The following RHOBTB3 variants were observed in gnomAD, a reference collection of about 807,000 sequenced individuals.
RHOBTB3 encodes Rho related BTB domain containing 3.
A neutral mutation model predicts 67.2 loss-of-function variants in RHOBTB3; 47 were observed. The ratio of observed to expected loss-of-function variants is 0.70; its 90% CI spans 0.55 to 0.89. The LOEUF (loss-of-function observed/expected upper bound fraction) is 0.89. Among genes scored for constraint, RHOBTB3 ranks in the 40% least tolerant of loss-of-function variants. The pLI is 0.00. For missense variants in RHOBTB3, 631 were observed against 750.0 expected (o/e 0.84, Z 1.85); for synonymous variants, 273 against 274.2 (o/e 1.00, Z 0.04).
intron 8 of RHOBTB3, chr5:95,769,904 G>A: frequency 2.8e-6 from 1 of 352,616 alleles, no homozygotes; most frequent in South Asian, 2.5e-5. Context: ...TTTTGAATAG[G>A]CTAAAAGCTG....
chr5:95,732,321 T>A (rs1755308799), intron 2 of RHOBTB3: 1 of 604,500 alleles, frequency 1.7e-6, no homozygotes, highest in South Asian at 2.0e-5. Context: ...CACTTACTGG[T>A]ACACTTCACG....
At chr5:95,779,177 T>A (rs1745978295) in intron 8 of RHOBTB3, among the ~76,000 whole-genome samples, 1 of 152,202 alleles carries the variant, frequency 6.6e-6, no homozygotes, top group Non-Finnish European at 1.5e-5. Flanking sequence ...GATGTGTGGG[T>A]AAACTCTTGG....
At chr5:95,787,777 A>G (rs1746265625) in intron 10 of RHOBTB3, among the ~76,000 whole-genome samples, 1 of 152,270 alleles carries the variant, frequency 6.6e-6, no homozygotes, top group African/African-American at 2.4e-5. Flanking sequence ...AATTTCACTT[A>G]TATGAGGTAC....
intron 1 of RHOBTB3, among the ~76,000 whole-genome samples, chr5:95,724,880 A>G (rs549207117): frequency 7.2e-5 from 11 of 152,282 alleles, no homozygotes; most frequent in Non-Finnish European, 1.0e-4. Flanking sequence ...CATGGTAAGT[A>G]TACTTAAGTA....
chr5:95,731,907 G>C lies in RHOBTB3; in HGVS notation c.51G>C (p.Gln17His). ...ALGNEGDTFH[Q>H]DNRPSGLIRT... ...GGAACGAGGGGGACACATTCCACCAGGACAACCGGCCGTCGGGGCTTATCC... is the reference window on the plus strand; with the variant it reads ...GGAACGAGGGGGACACATTCCACCACGACAACCGGCCGTCGGGGCTTATCC... Residue 17 changes from glutamine to histidine, a missense_variant, in exon 2 of 12, where the codon CAG becomes CAC. Coordinates refer to ENST00000379982, the MANE Select transcript of RHOBTB3 (RefSeq NM_014899.4). 1 of 1,614,088 alleles carries C rather than the reference G, an allele frequency of 6.2e-7. No individual in the cohort carries two copies. Among genetic ancestry groups the C allele is most frequent in the Non-Finnish European group, 8.5e-7 (1 of 1,180,012 alleles).
chr5:95,749,241 C>T (rs1165922815), intron 4 of RHOBTB3, among the ~76,000 whole-genome samples: 1 of 152,208 alleles, frequency 6.6e-6, no homozygotes, highest in African/African-American at 2.4e-5. Context: ...GCAAAGAAAA[C>T]CTACTTTAAG....
intron 4 of RHOBTB3, among the ~76,000 whole-genome samples, 174 bp from the exon 5 acceptor site, chr5:95,752,065 G>A (rs184983829): frequency 6.6e-6 from 1 of 152,258 alleles, no homozygotes; most frequent in East Asian, 1.9e-4. Flanking sequence ...GGCACAATCT[G>A]CTCCACTCGA....
At chr5:95,788,943 T>A (rs1487293922) in intron 11 of RHOBTB3, 85 bp downstream of exon 11, 1 of 820,260 alleles carries the variant, frequency 1.2e-6, no homozygotes, top group Non-Finnish European at 1.9e-6. Context: ...AGTAGTACTT[T>A]TAGCAAAATA....
At chr5:95,730,918 C>T, upstream of RHOBTB3, 1 of 458,364 alleles carries the variant, frequency 2.2e-6, no homozygotes, top group East Asian at 7.0e-5. Flanking sequence ...TCGGTCAAGG[C>T]CAAGAGGGGG....
intron 8 of RHOBTB3, 32 bp from the exon 9 acceptor site, chr5:95,780,220 C>T (rs376695870): frequency 2.4e-4 from 380 of 1,596,708 alleles, no homozygotes; most frequent in Non-Finnish European, 3.1e-4. Flanking sequence ...GTTTATCTCA[C>T]TTGTTTCTTG....
At chr5:95,766,278 TTTC>T (rs1262124865) in intron 7 of RHOBTB3, among the ~76,000 whole-genome samples, 1 of 151,914 alleles carries the variant, frequency 6.6e-6, no homozygotes, top group East Asian at 1.9e-4. Flanking sequence ...TATATGTTTA[TTTC>T]TTAGGGATAA....
intron 10 of RHOBTB3, among the ~76,000 whole-genome samples, chr5:95,785,419 G>A (rs1290949359): frequency 1.3e-5 from 2 of 150,910 alleles, no homozygotes; most frequent in East Asian, 3.9e-4. Context: ...GTGAAGCCCA[G>A]TCTCTACTAA....
chr5:95,754,558 C>G (rs577304246), intron 5 of RHOBTB3, among the ~76,000 whole-genome samples: 21 of 152,224 alleles, frequency 1.4e-4, no homozygotes, highest in Non-Finnish European at 2.6e-4. Flanking sequence ...TTCAAACAAC[C>G]CTTCACAAAT....
At chr5:95,750,750 G>A (rs1561444652) in intron 4 of RHOBTB3, among the ~76,000 whole-genome samples, 1 of 152,156 alleles carries the variant, frequency 6.6e-6, no homozygotes, top group Non-Finnish European at 1.5e-5. Context: ...CAAAGGGTGA[G>A]TCTTTATGGG....
At chr5:95,748,555 A>G (rs995415525) in intron 4 of RHOBTB3, 68 bp downstream of exon 4, 2 of 1,225,440 alleles carry the variant, frequency 1.6e-6, no homozygotes, top group African/African-American at 1.5e-5. Context: ...TTTGTAGAAC[A>G]TCAGTTAGAA....
intron 7 of RHOBTB3, among the ~76,000 whole-genome samples, chr5:95,767,236 A>G (rs896761765): frequency 6.6e-6 from 1 of 152,260 alleles, no homozygotes; most frequent in Non-Finnish European, 1.5e-5. Flanking sequence ...GAACCACTTC[A>G]TTACTCTACG....
intron 7 of RHOBTB3, among the ~76,000 whole-genome samples, chr5:95,763,893 C>T (rs1288702464): frequency 6.6e-6 from 1 of 151,974 alleles, no homozygotes; most frequent in Non-Finnish European, 1.5e-5. Flanking sequence ...ACTGCAGCCT[C>T]CACCTCCTGG....
chr5:95,731,909 A>C lies in RHOBTB3; in HGVS notation c.53A>C (p.Asp18Ala). Residue 18 changes from aspartate to alanine, a missense_variant, in exon 2 of 12, where the codon GAC becomes GCC. By Grantham distance (126) the Asp-to-Ala change is moderately radical. Coordinates refer to ENST00000379982, the MANE Select transcript of RHOBTB3 (RefSeq NM_014899.4). The part of the protein sequence containing the change: ...LGNEGDTFHQ[D>A]NRPSGLIRTY... ...AACGAGGGGGACACATTCCACCAGG[A>C]CAACCGGCCGTCGGGGCTTATCCGC... is the stretch of plus-strand genomic sequence containing the variant. 6.2e-7 allele frequency: 1 copy of C among 1,614,072 alleles called. No homozygotes were observed. The highest frequency in any genetic ancestry group is 1.3e-5 in the African/African-American group (1 of 75,064).
At chr5:95,732,186 C>G in intron 2 of RHOBTB3, 102 bp downstream of exon 2, 1 of 1,041,444 alleles carries the variant, frequency 9.6e-7, no homozygotes, top group Non-Finnish European at 1.5e-6. Context: ...GGAGTGTCCG[C>G]GTTACATGGG....
Sources: allele counts gnomAD v4.1 joint callset (sites outside exome capture counted in the v4.1 genomes callset), GRCh38; gene constraint gnomAD v4.1.1; transcripts MANE v1.5; gene names NCBI Gene and HGNC (gene_info 2026-07-23, HGNC 2026-07-21).